The following LONRF1 variants were observed in gnomAD, a reference collection of about 807,000 sequenced individuals.
LONRF1 encodes the protein LON peptidase N-terminal domain and ring finger 1, also known as LON peptidase N-terminal domain and RING finger protein 1.
A neutral mutation model predicts 85.8 loss-of-function variants in LONRF1; 37 were observed. The ratio of observed to expected loss-of-function variants is 0.43; its 90% confidence interval spans 0.33 to 0.57. LONRF1 has a LOEUF of 0.57. Among genes scored for constraint, LONRF1 ranks in the 20% least tolerant of loss-of-function variants. LONRF1 has a pLI of 0.04. For synonymous variants in LONRF1, 517 were observed against 390.1 expected, an observed-to-expected ratio of 1.33 and a Z score of -3.83; for missense variants, 1,036 against 978.0, an observed-to-expected ratio of 1.06 and a Z score of -0.79.
chr8:12,727,871 G>C (rs1798380690), intron 10 of LONRF1, among the ~76,000 whole-genome samples: 1 of 152,160 alleles, frequency 6.6e-6, no homozygotes, highest in Non-Finnish European at 1.5e-5. Flanking sequence ...AGACTAATCA[G>C]GTTTATCAAC....
At chr8:12,740,362 T>C (rs958410262) in intron 3 of LONRF1, among the ~76,000 whole-genome samples, 1 of 152,188 alleles carries the variant, frequency 6.6e-6, no homozygotes, top group African/African-American at 2.4e-5. Context: ...AGTCACTTCA[T>C]CAGACAGCTC....
chr8:12,738,520 T>C (rs2117282785), intron 3 of LONRF1: 1 of 153,834 alleles, frequency 6.5e-6, no homozygotes, highest in East Asian at 1.9e-4. Context: ...CCTCAATGTA[T>C]ATTTACGAAG....
chr8:12,746,628 G>C (rs1299973007), intron 1 of LONRF1, among the ~76,000 whole-genome samples: 1 of 151,946 alleles, frequency 6.6e-6, no homozygotes, highest in Non-Finnish European at 1.5e-5. Flanking sequence ...TTAATATTCC[G>C]GGGCTTTTAA....
chr8:12,740,836 G>A (rs1247556185), intron 3 of LONRF1, 38 bp downstream of exon 3: 7 of 1,600,706 alleles, frequency 4.4e-6, no homozygotes, highest in Non-Finnish European at 6.0e-6. Context: ...CTGCCTCTTA[G>A]CCCTACCATG....
chr8:12,745,155 A>G (rs1482641182), intron 1 of LONRF1, among the ~76,000 whole-genome samples: 1 of 152,152 alleles, frequency 6.6e-6, no homozygotes, highest in Non-Finnish European at 1.5e-5. Context: ...AGATCTCCCT[A>G]AAGGAGGTCC....
At chr8:12,751,947 A>G (rs1799423801) in intron 1 of LONRF1, among the ~76,000 whole-genome samples, 1 of 152,210 alleles carries the variant, frequency 6.6e-6, no homozygotes, top group African/African-American at 2.4e-5. Flanking sequence ...CAAAAGATCA[A>G]TGGTTTAAAT....
Position 12,728,999 on chromosome 8 carries a change from C to G in LONRF1, c.1912G>C (p.Val638Leu), listed in dbSNP as rs1279608876. Residue 638 changes from valine to leucine, a missense_variant, in exon 10 of 12, where the codon GTG becomes CTG. Around this residue, in one of 3 missense-constraint regions of LONRF1, gnomAD observed 265 missense variants for 301.5 expected, o/e 0.88. Transcript: ENST00000398246. ...NVHFLPDGRS[V>L]VDTVGGKRFR... ...CGCTTTCCTCCAACTGTATCAACCACAGACCTTCCGTCCGGTAAGAAATGC... is the reference window on the plus strand; with the variant it reads ...CGCTTTCCTCCAACTGTATCAACCAGAGACCTTCCGTCCGGTAAGAAATGC... The G allele has an allele frequency of 6.2e-7, 1 of 1,613,938 alleles. No homozygotes were observed. Among genetic ancestry groups the G allele is most frequent in the African/African-American group, 1.3e-5 (1 of 74,918 alleles).
intron 7 of LONRF1, among the ~76,000 whole-genome samples, chr8:12,733,349 G>C (rs1190985885): frequency 6.6e-6 from 1 of 152,032 alleles, no homozygotes; most frequent in African/African-American, 2.4e-5. Flanking sequence ...CTGGGGATGA[G>C]GCAATCCAAC....
At chr8:12,740,831 T>A (rs1055658547) in intron 3 of LONRF1, 43 bp downstream of exon 3, 8 of 1,598,560 alleles carry the variant, frequency 5.0e-6, no homozygotes, top group Non-Finnish European at 6.0e-6. Context: ...CCTGTCTGCC[T>A]CTTAGCCCTA....
chr8:12,745,101 G>T (rs1281846151), intron 1 of LONRF1, among the ~76,000 whole-genome samples: 1 of 151,980 alleles, frequency 6.6e-6, no homozygotes, highest in African/African-American at 2.4e-5. Context: ...AGCAAAAAAA[G>T]ACATATTCCT....
At chr8:12,739,796 T>C (rs1798860020) in intron 3 of LONRF1, among the ~76,000 whole-genome samples, 2 of 152,196 alleles carry the variant, frequency 1.3e-5, no homozygotes, top group South Asian at 4.1e-4. Context: ...AAGTTTGCAG[T>C]CTTACCAAGA....
At chr8:12,745,293 C>A (rs1799101232) in intron 1 of LONRF1, among the ~76,000 whole-genome samples, 2 of 143,750 alleles carry the variant, frequency 1.4e-5, no homozygotes, top group African/African-American at 5.2e-5. Context: ...AAAATGTTAA[C>A]CGATTATTTT....
chr8:12,747,478 C>T (rs1455971833), intron 1 of LONRF1, among the ~76,000 whole-genome samples: 1 of 151,978 alleles, frequency 6.6e-6, no homozygotes, highest in Non-Finnish European at 1.5e-5. Context: ...AAAGAAATAG[C>T]CAGTGTTGGT....
chr8:12,746,836 T>C (rs1037686673), intron 1 of LONRF1, among the ~76,000 whole-genome samples: 2 of 152,170 alleles, frequency 1.3e-5, no homozygotes, highest in East Asian at 1.9e-4. Flanking sequence ...GCTGTTTACC[T>C]CCATGCTATT....
At chr8:12,729,518 C>A (rs1024147848) in intron 8 of LONRF1, 186 bp from the exon 9 acceptor site, 28 of 549,422 alleles carry the variant, frequency 5.1e-5, no homozygotes, top group Non-Finnish European at 6.8e-5. Context: ...TAAGCTCACA[C>A]TGATGAAATA....
chr8:12,745,105 T>C (rs1311584557), intron 1 of LONRF1, among the ~76,000 whole-genome samples: 1 of 151,978 alleles, frequency 6.6e-6, no homozygotes, highest in African/African-American at 2.4e-5. Flanking sequence ...AAAAAAGACA[T>C]ATTCCTTCCC....
Position 12,722,921 on chromosome 8 carries a change from C to A in LONRF1, c.*175G>T. On this transcript the variant is annotated 3_prime_UTR_variant, in exon 12 of 12. Transcript: ENST00000398246. ...TTTTTCTGTGCAAGTTCTTAGTGGT[C>A]TAAATCCTAGTTGAAGGTATTCATT... 1 of 586,760 alleles carries A rather than the reference C, an allele frequency of 1.7e-6. No individual in the cohort carries two copies. 36.3% of individuals were successfully genotyped at this position (586,760 alleles called of 1,614,324 possible). A position where few individuals can be genotyped will look rare whatever the true frequency, so the allele number is the denominator to read the frequency against.
In LONRF1 at chr8:12,722,772, G is replaced by GCACA; in HGVS notation, c.*320_*323dup. 5.9e-6 allele frequency: 1 copy of GCACA among 168,552 alleles called. No homozygotes were observed. Among genetic ancestry groups the GCACA allele is most frequent in the Non-Finnish European group, 1.3e-5 (1 of 78,770 alleles). The allele number at this position is 168,552 out of a possible 1,614,324, so 10.4% of individuals were successfully genotyped here. On this transcript the variant is annotated 3_prime_UTR_variant, in exon 12 of 12. Coordinates refer to ENST00000398246, the MANE Select transcript of LONRF1 (RefSeq NM_152271.5). ...CACACACACTACCCAACCCCCACAA[G>GCACA]CACACACGCACGCACACACACACAC...
chr8:12,728,593 G>T (rs1306098367), intron 10 of LONRF1, among the ~76,000 whole-genome samples: 2 of 152,162 alleles, frequency 1.3e-5, no homozygotes. Flanking sequence ...AACCACTATT[G>T]TTAAGTACCT....
Sources: allele counts gnomAD v4.1 joint callset (sites outside exome capture counted in the v4.1 genomes callset), GRCh38; gene constraint gnomAD v4.1.1; regional missense constraint gnomAD v4.1.1; transcripts MANE v1.5; gene names NCBI Gene and HGNC (gene_info 2026-07-23, HGNC 2026-07-21).